Variants in SETD1B observed in about 807,000 individuals in gnomAD.
SETD1B encodes the protein histone-lysine N-methyltransferase SETD1B.
In SETD1B, 7 loss-of-function variants were observed where a neutral mutation model predicts 148.0. The observed-to-expected ratio is 0.05, with a 90% CI of 0.03 to 0.09. The LOEUF (loss-of-function observed/expected upper bound fraction) is 0.09. SETD1B is among the 10% of genes least tolerant of loss of function. The pLI is 1.00. For missense variants in SETD1B, 2,155 were observed against 2,729.9 expected, an observed-to-expected ratio of 0.79 and a Z score of 4.69; for synonymous variants, 1,361 against 1,186.5, an observed-to-expected ratio of 1.15 and a Z score of -3.02.
At position 121,805,707 on chromosome 12, in the gene SETD1B, A is replaced by G. The variant is rs77890539; in HGVS notation, c.274-128A>G. 2.7e-6 allele frequency: 2 copies of G among 744,820 alleles called. No homozygotes were observed. The highest frequency in any genetic ancestry group is 3.7e-5 in the East Asian group (1 of 27,324). The allele number at this position is 744,820 out of a possible 1,614,324, so 46.1% of individuals were successfully genotyped here. On this transcript the variant is annotated intron_variant, in intron 3 of 16. Coordinates refer to ENST00000604567, the MANE Select transcript of SETD1B (RefSeq NM_001353345.2). The surrounding 1 kb of genome is among the most constrained non-coding windows in gnomAD (Gnocchi z 4.2). ...AAAAAAAATTTTTTTTTTTTTTTTA[A>G]TTTTTAGTTTTTTTACCCTTTATTG...
chr12:121,824,141 C>G (rs1592989814), intron 12 of SETD1B, among the ~76,000 whole-genome samples: 1 of 152,182 alleles, frequency 6.6e-6, no homozygotes, highest in East Asian at 1.9e-4. Flanking sequence ...TATGAAGAAG[C>G]TAAGGCTCAG....
Position 121,827,729 on chromosome 12 carries a change from C to T in SETD1B, c.5470-6C>T. 2 of 1,551,900 alleles carry T rather than the reference C, an allele frequency of 1.3e-6. No homozygotes were observed. Among genetic ancestry groups the T allele is most frequent in the Non-Finnish European group, 8.7e-7 (1 of 1,147,050 alleles). On this transcript the variant is annotated splice_polypyrimidine_tract_variant and splice_region_variant and intron_variant, in intron 14 of 16. Coordinates refer to ENST00000604567, the MANE Select transcript of SETD1B (RefSeq NM_001353345.2). ...GGCTCACCTCTCCCCCTCTTCCCTC[C>T]CACAGTTCCGGAAGAAAAAGCTCAA...
chr12:121,793,909 C>T, the SETD1B span: 2 of 327,324 alleles, frequency 6.1e-6, no homozygotes, highest in Non-Finnish European at 5.5e-6. Context: ...CGCCACCCTC[C>T]GCGCGTCACG....
In SETD1B at chr12:121,810,310, G is replaced by A. The variant is rs1401229571; in HGVS notation, c.1365G>A (p.Pro455=). 8.4e-6 allele frequency: 13 copies of A among 1,543,006 alleles called. No individual in the cohort carries two copies. Among genetic ancestry groups the A allele is most frequent in the Non-Finnish European group, 7.0e-6 (8 of 1,146,448 alleles). ...KEKPGTPPGP[P]PPDTNSMELG... The stretch of plus-strand genomic sequence containing the variant: ...AGCCAGGCACGCCACCCGGCCCGCC[G>A]CCCCCCGACACCAACAGCATGGAGC... Residue 455 remains proline (P), a synonymous_variant, in exon 6 of 17, where the codon CCG becomes CCA. Coordinates refer to ENST00000604567, the MANE Select transcript of SETD1B (RefSeq NM_001353345.2). This position sits in a 1 kb window ranked among gnomAD's most constrained non-coding sequence, Gnocchi z 7.6.
the SETD1B span, chr12:121,797,179 CTG>C: frequency 2.0e-5 from 7 of 346,954 alleles, no homozygotes; most frequent in Non-Finnish European, 2.9e-5. Flanking sequence ...CAGGCAGAGG[CTG>C]TGTCTCCACC....
chr12:121,801,500 T>TG (rs1175289393), upstream of SETD1B: 1 of 152,592 alleles, frequency 6.6e-6, no homozygotes, highest in Non-Finnish European at 1.5e-5. Flanking sequence ...CCCAAACACT[T>TG]GCAGCCCTTG....
At chr12:121,828,609 A>G (rs1226508644) in intron 16 of SETD1B, among the ~76,000 whole-genome samples, 2 of 152,192 alleles carry the variant, frequency 1.3e-5, no homozygotes, top group African/African-American at 2.4e-5. Flanking sequence ...GTGCAGGCCT[A>G]GAGGGGAGGG....
rs1257697067 is a variant in SETD1B, at chr12:121,814,861, C to G, written c.2646C>G (p.Arg882=). ...LKAIMKRDLN[R]KMVEVVAFRA... ...CCATCATGAAGCGTGACCTGAACCG[C>G]AAGATGGTGGAAGTGGTGGCTTTCC... Residue 882 remains arginine, a synonymous_variant, in exon 7 of 17, where the codon CGC becomes CGG. Coordinates refer to ENST00000604567, the MANE Select transcript of SETD1B (RefSeq NM_001353345.2). 6.4e-7 allele frequency: 1 copy of G among 1,550,770 alleles called. No individual in the cohort carries two copies. The highest frequency in any genetic ancestry group is 2.0e-5 in the Admixed American group (1 of 50,990).
intron 4 of SETD1B, 139 bp downstream of exon 4, chr12:121,806,244 C>T (rs2137544779): frequency 1.1e-6 from 1 of 946,160 alleles, no homozygotes; most frequent in Non-Finnish European, 1.6e-6. Context: ...TAGCCCCCTC[C>T]TGAGGGTAGA....
chr12:121,797,561 C>T, the SETD1B span: 13 of 456,446 alleles, frequency 2.8e-5, no homozygotes, highest in Middle Eastern at 3.2e-4. Flanking sequence ...AGAACCACAT[C>T]CAGACCACAG....
Position 121,805,037 on chromosome 12 carries a change from G to C in SETD1B, c.175-81G>C, listed in dbSNP as rs1875656845. 4 of 1,490,926 alleles carry C rather than the reference G, an allele frequency of 2.7e-6. No homozygotes were observed. The East Asian group carries it at 7.5e-5, about 28-fold the overall frequency. The allele number at this position is 1,490,926 out of a possible 1,614,324, so 92.4% of individuals were successfully genotyped here. A position where few individuals can be genotyped will look rare whatever the true frequency, so the allele number is the denominator to read the frequency against. On this transcript the variant is annotated intron_variant, in intron 2 of 16. Transcript: ENST00000604567. This position sits in a 1 kb window ranked among gnomAD's most constrained non-coding sequence, Gnocchi z 4.2. ...AGACGGGGCCCCAGCCCTGGAGTTT[G>C]ACAAGTGCCTCGAGAAAGGGGTCTG...
the SETD1B span, chr12:121,797,825 G>A: frequency 2.9e-6 from 1 of 345,374 alleles, no homozygotes; most frequent in Admixed American, 3.9e-5. Flanking sequence ...GAGTATAGAA[G>A]GAGGAGGCTT....
At position 121,809,780 on chromosome 12, in the gene SETD1B, C is replaced by T; in HGVS notation, c.835C>T (p.Leu279=). The change falls in exon 6 of 17, where the codon CTG becomes TTG. Residue 279 remains leucine, a synonymous_variant. Coordinates refer to ENST00000604567, the MANE Select transcript of SETD1B (RefSeq NM_001353345.2). ...YGQGTPLTPR[L]GTPFSQDSSY... ...ACAGGGCACCCCGCTCACACCGCGC[C>T]TGGGCACCCCTTTCTCACAGGACTC... is the stretch of plus-strand genomic sequence containing the variant. The T allele has an allele frequency of 6.4e-7, 1 of 1,551,616 alleles. No individual in the cohort carries two copies. The highest frequency in any genetic ancestry group is 8.7e-7 in the Non-Finnish European group (1 of 1,146,988).
chr12:121,795,289 T>C, the SETD1B span: 4 of 152,294 alleles, frequency 2.6e-5, no homozygotes, highest in African/African-American at 7.2e-5. Context: ...AACACGTTTA[T>C]TGAGAGGCAG....
intron 12 of SETD1B, 72 bp downstream of exon 12, chr12:121,823,821 A>C: frequency 6.8e-7 from 1 of 1,474,528 alleles, no homozygotes; most frequent in South Asian, 1.3e-5. Context: ...TCTGGGCCCC[A>C]CCACCCAGTC....
the SETD1B span, chr12:121,793,664 C>A: frequency 2.0e-6 from 3 of 1,509,650 alleles, no homozygotes; most frequent in Non-Finnish European, 2.6e-6. Context: ...GGCGGCGGCG[C>A]GCCGGGCACT....
chr12:121,813,626 G>A (rs953661786), intron 6 of SETD1B, among the ~76,000 whole-genome samples: 2 of 152,200 alleles, frequency 1.3e-5, no homozygotes, highest in African/African-American at 4.8e-5. Context: ...TGGCACATAA[G>A]AGACACTATG....
chr12:121,794,676 G>C, the SETD1B span, among the ~76,000 whole-genome samples: 1 of 152,182 alleles, frequency 6.6e-6, no homozygotes, highest in African/African-American at 2.4e-5. Flanking sequence ...TATCAGGGCT[G>C]CTGGCTGAAT....
At chr12:121,799,741 C>CGG (rs1276594272), upstream of SETD1B, 2 of 26,648 alleles carry the variant, frequency 7.5e-5, no homozygotes, top group African/African-American at 1.3e-4. Flanking sequence ...TGGGGTGGGG[C>CGG]GGGGCCGCAG....
Sources: allele counts gnomAD v4.1 joint callset (sites outside exome capture counted in the v4.1 genomes callset), GRCh38; gene constraint gnomAD v4.1.1; non-coding constraint Gnocchi (gnomAD v3.1); transcripts MANE v1.5; gene names NCBI Gene and HGNC (gene_info 2026-07-23, HGNC 2026-07-21).